CSRNP3: variants seen among roughly 807,000 people sequenced by gnomAD.
CSRNP3 encodes the protein cysteine/serine-rich nuclear protein 3.
CSRNP3 carries 12 observed loss-of-function variants against 48.0 expected under a neutral mutation model. That is an observed-to-expected ratio of 0.25 (90% CI 0.16 to 0.41). The LOEUF (loss-of-function observed/expected upper bound fraction) is 0.41. Among genes scored for constraint, CSRNP3 ranks in the 10% least tolerant of loss-of-function variants. The probability of loss-of-function intolerance (pLI) is 1.00; values close to 1 mark genes in which losing one functional copy is unlikely to be tolerated. For synonymous variants in CSRNP3, 263 were observed against 269.7 expected, an observed-to-expected ratio of 0.98 and a Z score of 0.24; for missense variants, 580 against 724.4, an observed-to-expected ratio of 0.80 and a Z score of 2.29.
At chr2:165,677,272 T>A (rs1347458166) in intron 6 of CSRNP3, among the ~76,000 whole-genome samples, 1 of 152,222 alleles carries the variant, frequency 6.6e-6, no homozygotes, top group Non-Finnish European at 1.5e-5. Context: ...TGCCTATGAC[T>A]GCTTTCTTGC....
In CSRNP3 at chr2:165,513,548, A is replaced by G. The variant is rs151272612; in HGVS notation, c.-112-4325A>G. Among the ~76,000 whole-genome samples the G allele has an allele frequency of 4.3e-3, 648 of 152,302 alleles. 2 individuals are homozygous for G. The highest frequency in any genetic ancestry group is 0.015 in the African/African-American group (613 of 41,578). ...GATGACAGCCTTTCAAACAAGTTCT[A>G]TTTCTTTATAGCTTATCACCGAATC... On this transcript the variant is annotated intron_variant, in intron 2 of 6. Coordinates refer to ENST00000651982, the MANE Select transcript of CSRNP3 (RefSeq NM_001172173.2).
chr2:165,674,961 C>T (rs566247361), intron 5 of CSRNP3, among the ~76,000 whole-genome samples: 3 of 151,846 alleles, frequency 2.0e-5, no homozygotes, highest in African/African-American at 4.8e-5. Context: ...AATCTGCCCA[C>T]CTTGGACTCC....
chr2:165,647,797 G>T (rs553281723), intron 4 of CSRNP3, among the ~76,000 whole-genome samples: 38 of 152,292 alleles, frequency 2.5e-4, no homozygotes, highest in African/African-American at 8.9e-4. Flanking sequence ...TTCATTAGAT[G>T]ATTTGGGCCC....
intron 3 of CSRNP3, among the ~76,000 whole-genome samples, chr2:165,593,764 G>A (rs959412728): frequency 3.9e-5 from 6 of 152,190 alleles, no homozygotes; most frequent in Non-Finnish European, 8.8e-5. Flanking sequence ...TCAGGTGTGA[G>A]TTAGAATCAA....
intron 5 of CSRNP3, among the ~76,000 whole-genome samples, chr2:165,664,150 C>G (rs1003027105): frequency 1.3e-5 from 2 of 152,124 alleles, no homozygotes; most frequent in Non-Finnish European, 2.9e-5. Flanking sequence ...AGTTTGCCAC[C>G]TGCAATTAAC....
chr2:165,671,570 G>A (rs1368716514), intron 5 of CSRNP3, among the ~76,000 whole-genome samples: 1 of 152,196 alleles, frequency 6.6e-6, no homozygotes, highest in Non-Finnish European at 1.5e-5. Context: ...CATAGCAGGG[G>A]GGCCCTGGGC....
intron 3 of CSRNP3, among the ~76,000 whole-genome samples, chr2:165,520,595 T>C (rs1574818053): frequency 6.6e-6 from 1 of 151,640 alleles, no homozygotes; most frequent in East Asian, 1.9e-4. Flanking sequence ...AAGGCAGGTA[T>C]TTTAAGCAGT....
At chr2:165,636,349 A>G (rs1349811793) in intron 4 of CSRNP3, among the ~76,000 whole-genome samples, 1 of 152,248 alleles carries the variant, frequency 6.6e-6, no homozygotes, top group Non-Finnish European at 1.5e-5. Flanking sequence ...TTAGGAGTTT[A>G]TAGATAAGAT....
intron 3 of CSRNP3, among the ~76,000 whole-genome samples, chr2:165,554,031 C>G (rs1685132446): frequency 6.6e-6 from 1 of 152,184 alleles, no homozygotes; most frequent in South Asian, 2.1e-4. Flanking sequence ...GTGAAGATCA[C>G]AGTGCCTTTC....
chr2:165,666,855 G>A (rs1687224718), intron 5 of CSRNP3, among the ~76,000 whole-genome samples: 1 of 115,580 alleles, frequency 8.7e-6, no homozygotes, highest in African/African-American at 3.1e-5. Context: ...AGGGAGGAAA[G>A]AGAGAGAGTA....
intron 2 of CSRNP3, among the ~76,000 whole-genome samples, chr2:165,496,890 A>G (rs867252195): frequency 2.6e-5 from 4 of 152,008 alleles, no homozygotes; most frequent in African/African-American, 9.7e-5. Context: ...GGACTTCTCT[A>G]TGCAAGACAC....
chr2:165,481,942 G>A (rs1197866450), intron 1 of CSRNP3, among the ~76,000 whole-genome samples: 1 of 152,082 alleles, frequency 6.6e-6, no homozygotes, highest in Non-Finnish European at 1.5e-5. Context: ...GAGACAGAGT[G>A]CGGGAAGGTG....
intron 3 of CSRNP3, among the ~76,000 whole-genome samples, chr2:165,549,276 CATGTTTTCTAGTATGAAAATATAA>C (rs1685069015): frequency 6.6e-6 from 1 of 152,016 alleles, no homozygotes; most frequent in Non-Finnish European, 1.5e-5. Flanking sequence ...AAATAGTTGT[CATGTTTTCTAGTATGAAAATATAA>C]ATGCTTTTCC....
intron 4 of CSRNP3, among the ~76,000 whole-genome samples, chr2:165,619,925 A>T (rs1213657376): frequency 6.6e-6 from 1 of 152,156 alleles, no homozygotes; most frequent in Non-Finnish European, 1.5e-5. Flanking sequence ...TAGTAAGAGC[A>T]AGACTTGGAA....
chr2:165,652,341 C>G (rs1686925129), intron 4 of CSRNP3, among the ~76,000 whole-genome samples: 1 of 151,766 alleles, frequency 6.6e-6, no homozygotes, highest in South Asian at 2.1e-4. Context: ...GAAACCCCCT[C>G]TCTACTAAAA....
At chr2:165,607,041 G>A (rs952089233) in intron 4 of CSRNP3, among the ~76,000 whole-genome samples, 14 of 152,054 alleles carry the variant, frequency 9.2e-5, no homozygotes, top group African/African-American at 3.4e-4. Context: ...TATTAAGCAC[G>A]TGTTATTTTC....
Position 165,559,596 on chromosome 2 carries a change from A to G in CSRNP3, c.-23-35447A>G, listed in dbSNP as rs987984304. ...AGTAAAAGAAAAGGGATGTGTAATGAAACTAATAGTGGTGCTAATGAGGAA... is the reference window on the plus strand; with the variant it reads ...AGTAAAAGAAAAGGGATGTGTAATGGAACTAATAGTGGTGCTAATGAGGAA... On this transcript the variant is annotated intron_variant, in intron 3 of 6. Coordinates refer to ENST00000651982, the MANE Select transcript of CSRNP3 (RefSeq NM_001172173.2). Among the ~76,000 whole-genome samples, 3 of 152,128 alleles carry G rather than the reference A, an allele frequency of 2.0e-5. No individual in the cohort carries two copies. The East Asian group carries it at 5.8e-4, about 29-fold the overall frequency.
chr2:165,648,644 G>A (rs566682557), intron 4 of CSRNP3, among the ~76,000 whole-genome samples: 1 of 151,856 alleles, frequency 6.6e-6, no homozygotes, highest in Non-Finnish European at 1.5e-5. Context: ...GCCGTTTTTT[G>A]TTGTTGTTTT....
chr2:165,547,564 T>C (rs1315138112), intron 3 of CSRNP3, among the ~76,000 whole-genome samples: 1 of 152,064 alleles, frequency 6.6e-6, no homozygotes, highest in African/African-American at 2.4e-5. Context: ...ATATTGGCAG[T>C]TTGAATTTCT....
Sources: gnomAD v4.1 joint callset for allele counts (sites outside exome capture counted in the v4.1 genomes callset) on GRCh38, gnomAD v4.1.1 for gene constraint, MANE v1.5 for transcripts, NCBI Gene and HGNC (gene_info 2026-07-23, HGNC 2026-07-21) for gene names.